PPP2R5E: variants seen among roughly 807,000 people sequenced by gnomAD.
The protein encoded by PPP2R5E is protein phosphatase 2 regulatory subunit B'epsilon, also known as serine/threonine-protein phosphatase 2A 56 kDa regulatory subunit epsilon isoform.
Under a neutral mutation model 65.3 loss-of-function variants are expected in PPP2R5E, and 4 were observed. The ratio of observed to expected loss-of-function variants is 0.06; its 90% CI spans 0.03 to 0.14. PPP2R5E has a LOEUF of 0.14. Among genes scored for constraint, PPP2R5E ranks in the 10% least tolerant of loss-of-function variants. PPP2R5E has a pLI of 1.00. For synonymous variants in PPP2R5E, 183 were observed against 187.4 expected (o/e 0.98, Z 0.19); for missense variants, 274 against 556.1 (o/e 0.49, Z 5.10).
chr14:63,434,734 C>T (rs7140400), intron 3 of PPP2R5E, among the ~76,000 whole-genome samples: 14,183 of 152,238 alleles, frequency 0.093, 820 homozygotes, highest in African/African-American at 0.15. Context: ...AATTCTCCTC[C>T]CACCTCCCCA....
At chr14:63,459,668 G>A (rs1889347696) in intron 2 of PPP2R5E, among the ~76,000 whole-genome samples, 1 of 152,174 alleles carries the variant, frequency 6.6e-6, no homozygotes, top group South Asian at 2.1e-4. Flanking sequence ...TGATGGTGGT[G>A]ATGGTGGTGG....
chr14:63,480,110 A>G (rs1167267113), intron 2 of PPP2R5E, among the ~76,000 whole-genome samples: 1 of 152,164 alleles, frequency 6.6e-6, no homozygotes, highest in African/African-American at 2.4e-5. Context: ...ATCTTACTCC[A>G]CAGATAATTT....
chr14:63,530,421 C>T (rs1176926907), intron 2 of PPP2R5E, among the ~76,000 whole-genome samples: 5 of 151,334 alleles, frequency 3.3e-5, no homozygotes, highest in Non-Finnish European at 5.9e-5. Context: ...TTAATAGAGA[C>T]GAGGTTTCAC....
chr14:63,387,302 T>C (rs972147611), intron 11 of PPP2R5E, among the ~76,000 whole-genome samples: 3 of 152,220 alleles, frequency 2.0e-5, no homozygotes, highest in African/African-American at 4.8e-5. Context: ...TCCATTTTAA[T>C]ATGTAAACCC....
rs1883742071 is a variant in PPP2R5E at position 63,372,515 on chromosome 14, T to C, written c.*3494A>G. 1 of 151,758 alleles carries C rather than the reference T, an allele frequency of 6.6e-6. No homozygotes were observed. Among genetic ancestry groups the C allele is most frequent in the Non-Finnish European group, 1.5e-5 (1 of 67,934 alleles). 9.4% of individuals were successfully genotyped at this position (151,758 alleles called of 1,614,324 possible). A position where few individuals can be genotyped will look rare whatever the true frequency, so the allele number is the denominator to read the frequency against. On this transcript the variant is annotated 3_prime_UTR_variant, in exon 14 of 14. Transcript: ENST00000337537. ...CATTGGTAATAGCATCAAAAGAGAA[T>C]CTCTTCATTTCCTGGGCCAGGTCAG...
intron 2 of PPP2R5E, among the ~76,000 whole-genome samples, chr14:63,536,808 T>C (rs1893683906): frequency 6.6e-6 from 1 of 151,960 alleles, no homozygotes; most frequent in Non-Finnish European, 1.5e-5. Flanking sequence ...TTATAGGAGG[T>C]ACCTAGAGTA....
At chr14:63,521,337 A>C (rs1202353448) in intron 2 of PPP2R5E, among the ~76,000 whole-genome samples, 1 of 152,232 alleles carries the variant, frequency 6.6e-6, no homozygotes, top group Non-Finnish European at 1.5e-5. Flanking sequence ...TTAAAGTGAA[A>C]TGAGCATTAT....
intron 5 of PPP2R5E, among the ~76,000 whole-genome samples, chr14:63,407,579 T>TA (rs766369568): frequency 3.3e-5 from 5 of 152,118 alleles, no homozygotes; most frequent in Non-Finnish European, 7.4e-5. Flanking sequence ...TAGAGATATC[T>TA]AAAAAATAGG....
chr14:63,379,826 C>CTCTCTCTCTTTTTTT (rs528081976), intron 13 of PPP2R5E, among the ~76,000 whole-genome samples: 8 of 100,280 alleles, frequency 8.0e-5, no homozygotes, highest in African/African-American at 4.2e-4. Context: ...TATTCTCTCT[C>CTCTCTCTCTTTTTTT]TTTTTTTTTT....
intron 3 of PPP2R5E, among the ~76,000 whole-genome samples, chr14:63,435,019 G>A (rs1887883594): frequency 6.6e-6 from 1 of 152,066 alleles, no homozygotes; most frequent in Non-Finnish European, 1.5e-5. Context: ...TTAATTACAG[G>A]AGAGTATGTT....
intron 2 of PPP2R5E, among the ~76,000 whole-genome samples, chr14:63,518,299 T>C (rs1892745549): frequency 1.3e-5 from 2 of 152,138 alleles, no homozygotes; most frequent in South Asian, 2.1e-4. Context: ...TGGAGTGCAG[T>C]GGTGCAATCA....
At chr14:63,398,488 C>G (rs1283287620) in intron 5 of PPP2R5E, among the ~76,000 whole-genome samples, 1 of 152,158 alleles carries the variant, frequency 6.6e-6, no homozygotes, top group African/African-American at 2.4e-5. Flanking sequence ...ATGAAAAGTG[C>G]TCTATTTTAT....
rs539651568 is a variant in PPP2R5E, at chr14:63,414,474, C to T, written c.549+666G>A. ...TGGCTCAAGCACCCATTTTTAGAGA[C>T]GAATATATCAACAACAGGAGCAAGG... On this transcript the variant is annotated intron_variant, in intron 5 of 13. Coordinates refer to ENST00000337537, the MANE Select transcript of PPP2R5E (RefSeq NM_006246.5). Among the ~76,000 whole-genome samples, 12 of 152,182 alleles carry T rather than the reference C, an allele frequency of 7.9e-5. No individual in the cohort carries two copies. In the South Asian group the frequency reaches 8.3e-4, roughly 11 times the overall value.
chr14:63,499,163 A>G (rs141383859), intron 2 of PPP2R5E, among the ~76,000 whole-genome samples: 21 of 152,316 alleles, frequency 1.4e-4, no homozygotes, highest in African/African-American at 5.1e-4. Context: ...CAAAGAGAGA[A>G]GGTTGGTTTT....
At chr14:63,385,342 A>C (rs1306112652) in intron 11 of PPP2R5E, among the ~76,000 whole-genome samples, 1 of 152,148 alleles carries the variant, frequency 6.6e-6, no homozygotes, top group Non-Finnish European at 1.5e-5. Flanking sequence ...CCACCAAAAA[A>C]AAAGTCCAGA....
chr14:63,421,742 T>C (rs574401356), intron 4 of PPP2R5E, among the ~76,000 whole-genome samples: 12 of 152,272 alleles, frequency 7.9e-5, no homozygotes, highest in African/African-American at 1.4e-4. Context: ...GAAGCTCTAA[T>C]AGAGAAATAA....
At chr14:63,430,392 T>TGC (rs1354688780) in intron 3 of PPP2R5E, among the ~76,000 whole-genome samples, 47 of 149,778 alleles carry the variant, frequency 3.1e-4, no homozygotes, top group African/African-American at 1.1e-3. Flanking sequence ...CATACATACA[T>TGC]ACATACATGC....
At chr14:63,514,285 G>A (rs1892575484) in intron 2 of PPP2R5E, among the ~76,000 whole-genome samples, 1 of 152,064 alleles carries the variant, frequency 6.6e-6, no homozygotes, top group African/African-American at 2.4e-5. Context: ...CCAGCTCTCA[G>A]TCACAACTGA....
intron 2 of PPP2R5E, 124 bp downstream of exon 2, chr14:63,539,405 A>C: frequency 9.6e-7 from 1 of 1,040,836 alleles, no homozygotes; most frequent in East Asian, 2.6e-5. Flanking sequence ...TAGTAACTTC[A>C]ATGTATGTGA....
Sources: gnomAD v4.1 joint callset for allele counts (sites outside exome capture counted in the v4.1 genomes callset) on GRCh38, gnomAD v4.1.1 for gene constraint, MANE v1.5 for transcripts, NCBI Gene and HGNC (gene_info 2026-07-23, HGNC 2026-07-21) for gene names.